The following INPP5A variants were observed in gnomAD, a reference collection of about 807,000 sequenced individuals.
INPP5A encodes the protein 43 kDa inositol polyphosphate 5-phophatase.
In INPP5A, 14 loss-of-function variants were observed where a neutral mutation model predicts 65.2. The ratio of observed to expected loss-of-function variants is 0.21; its 90% CI spans 0.14 to 0.34. The LOEUF is 0.34. Ranked by LOEUF, INPP5A falls within the 10% of genes least tolerant of loss-of-function variation. The probability of loss-of-function intolerance (pLI) is 1.00; values close to 1 mark genes in which losing one functional copy is unlikely to be tolerated. For missense variants in INPP5A, 431 were observed against 545.6 expected, an observed-to-expected ratio of 0.79 and a Z score of 2.09; for synonymous variants, 207 against 208.3, an observed-to-expected ratio of 0.99 and a Z score of 0.05.
In INPP5A at chr10:132,727,977, G is replaced by A. The variant is rs755923009; in HGVS notation, c.732+1072G>A. On this transcript the variant is annotated intron_variant, in intron 9 of 15. Transcript: ENST00000368594. The surrounding 1 kb of genome is among the most constrained non-coding windows in gnomAD (Gnocchi z 6.5). ...CGTATTCATCTTCCAACGGTGGCAG[G>A]ACATTGTTTCTGAAAGACAGACTGA... 6.6e-6 allele frequency among the ~76,000 whole-genome samples: 1 copy of A among 152,176 alleles called. No individual in the cohort carries two copies. Among genetic ancestry groups the A allele is most frequent in the Non-Finnish European group, 1.5e-5 (1 of 68,030 alleles).
chr10:132,781,790 C>A, intron 14 of INPP5A, 71 bp from the exon 15 acceptor site: 2 of 1,285,290 alleles, frequency 1.6e-6, no homozygotes, highest in Non-Finnish European at 2.3e-6. Flanking sequence ...GGGGGTGCAA[C>A]GGGAGGCGGC....
chr10:132,749,479 C>A, intron 9 of INPP5A, 38 bp from the exon 10 acceptor site: 1 of 1,581,048 alleles, frequency 6.3e-7, no homozygotes, highest in Non-Finnish European at 8.7e-7. Context: ...GGCAGGTGGG[C>A]CCCCCTGGGA....
rs1379639981 is a variant in INPP5A at position 132,766,144 on chromosome 10, GCATC to G, written c.977+299_977+302del. Among the ~76,000 whole-genome samples the G allele has an allele frequency of 2.8e-3, 422 of 152,282 alleles. 1 individual carries two copies. The highest frequency in any genetic ancestry group is 9.9e-3 in the African/African-American group (410 of 41,544). ...CCTGTGCATCTGTGTGTGCACGTGT[GCATC>G]TGTGTGTGCACGTGTGTGTTCTTGT... On this transcript the variant is annotated intron_variant, in intron 12 of 15. Coordinates refer to ENST00000368594, the MANE Select transcript of INPP5A (RefSeq NM_005539.5).
At chr10:132,669,731 C>G (rs750771711) in intron 4 of INPP5A, among the ~76,000 whole-genome samples, 1 of 152,168 alleles carries the variant, frequency 6.6e-6, no homozygotes, top group Non-Finnish European at 1.5e-5. Context: ...GTGCTGGACT[C>G]TAGATGTGCA....
In INPP5A at chr10:132,546,707, C is replaced by G. The variant is rs1222764485; in HGVS notation, c.75+8536C>G. On this transcript the variant is annotated intron_variant, in intron 1 of 15. Transcript: ENST00000368594. The surrounding 1 kb of genome is among the most constrained non-coding windows in gnomAD (Gnocchi z 5.7). ...ATCTGTGTAGCCTGCACTGAACTGC[C>G]CCTCTTCCTGGGTGCACTGCATACC... is the stretch of plus-strand genomic sequence containing the variant. Among the ~76,000 whole-genome samples the G allele has an allele frequency of 1.3e-5, 2 of 152,134 alleles. No homozygotes were observed. The highest frequency in any genetic ancestry group is 2.9e-5 in the Non-Finnish European group (2 of 68,016).
rs565195160 is a variant in INPP5A at position 132,605,980 on chromosome 10, A to C, written c.76-1935A>C. On this transcript the variant is annotated intron_variant, in intron 1 of 15. Transcript: ENST00000368594. ...TGGATCCACAGTCAATGTTGGGGGA[A>C]GTCATATCCACGGTTTAAATGAGGT... is the stretch of plus-strand genomic sequence containing the variant. Among the ~76,000 whole-genome samples, 24 of 152,306 alleles carry C rather than the reference A, an allele frequency of 1.6e-4. No individual in the cohort carries two copies. In the East Asian group the frequency reaches 4.2e-3, roughly 27 times the overall value.
chr10:132,714,315 G>A (rs1034537248), intron 8 of INPP5A, among the ~76,000 whole-genome samples: 1 of 152,196 alleles, frequency 6.6e-6, no homozygotes, highest in African/African-American at 2.4e-5. Context: ...CGGCTCTGTC[G>A]GAGTCTGGAA....
chr10:132,770,848 G>C (rs1164307268), intron 12 of INPP5A, among the ~76,000 whole-genome samples: 1 of 152,158 alleles, frequency 6.6e-6, no homozygotes, highest in Non-Finnish European at 1.5e-5. Context: ...TCTCGACGCG[G>C]CACGTCTGGC....
chr10:132,553,462 A>C (rs1203303751), intron 1 of INPP5A, among the ~76,000 whole-genome samples: 1 of 106,186 alleles, frequency 9.4e-6, no homozygotes, highest in Non-Finnish European at 1.9e-5. Flanking sequence ...GCCTTGGTGG[A>C]ATATTGAGTA....
Position 132,741,721 on chromosome 10 carries a change from T to C in INPP5A, c.733-7796T>C, listed in dbSNP as rs562123303. On this transcript the variant is annotated intron_variant, in intron 9 of 15. Coordinates refer to ENST00000368594, the MANE Select transcript of INPP5A (RefSeq NM_005539.5). The surrounding 1 kb of genome is among the most constrained non-coding windows in gnomAD (Gnocchi z 4.4). ...GTAAACTGAGGTGGACGTCAGTATC[T>C]GTGTCCGCTTGCTTTACTCAATAGC... is the stretch of plus-strand genomic sequence containing the variant. 4.9e-5 allele frequency among the ~76,000 whole-genome samples: 7 copies of C among 143,080 alleles called. No homozygotes were observed. The highest frequency in any genetic ancestry group is 1.1e-4 in the Non-Finnish European group (7 of 64,746). The allele number at this position is 143,080 out of a possible 152,430, so 93.9% of individuals were successfully genotyped here.
chr10:132,677,850 G>A (rs934384583), intron 4 of INPP5A, among the ~76,000 whole-genome samples: 1 of 152,208 alleles, frequency 6.6e-6, no homozygotes, highest in Admixed American at 6.5e-5. Context: ...AGCAACCCGC[G>A]TGCAGAATGC....
chr10:132,654,014 C>T (rs908079093), intron 4 of INPP5A, among the ~76,000 whole-genome samples: 1 of 152,272 alleles, frequency 6.6e-6, no homozygotes, highest in Non-Finnish European at 1.5e-5. Flanking sequence ...TGTCTGAAAC[C>T]AGGGTGCGGG....
chr10:132,764,280 A>G (rs562294288), intron 11 of INPP5A, among the ~76,000 whole-genome samples: 1 of 152,372 alleles, frequency 6.6e-6, no homozygotes, highest in East Asian at 1.9e-4. Context: ...CTCTAGCTCA[A>G]TGCCATGCCC....
At chr10:132,669,257 TAAAC>T (rs1025526287) in intron 4 of INPP5A, among the ~76,000 whole-genome samples, 10 of 151,698 alleles carry the variant, frequency 6.6e-5, no homozygotes, top group South Asian at 2.1e-4. Context: ...CATCTCAAAA[TAAAC>T]AAACAAACAG....
rs772261651 is a variant in INPP5A, at chr10:132,757,001, T to C, written c.903+7156T>C. 9.6e-4 allele frequency among the ~76,000 whole-genome samples: 146 copies of C among 152,326 alleles called. 1 individual carries two copies. Among genetic ancestry groups the C allele is most frequent in the Middle Eastern group, 3.4e-3 (1 of 294 alleles). ...GAATAGGCAAAAAGTTTATAGAATA[T>C]ATAAACAATATTTTATACAGCTATA... On this transcript the variant is annotated intron_variant, in intron 11 of 15. Transcript: ENST00000368594.
At chr10:132,622,084 C>T (rs1036898612) in intron 2 of INPP5A, among the ~76,000 whole-genome samples, 1 of 152,190 alleles carries the variant, frequency 6.6e-6, no homozygotes, top group Non-Finnish European at 1.5e-5. Flanking sequence ...AGTATGAAAA[C>T]ATCTTGTTTA....
intron 12 of INPP5A, among the ~76,000 whole-genome samples, chr10:132,769,034 G>A (rs962002671): frequency 1.3e-5 from 2 of 152,218 alleles, no homozygotes; most frequent in Non-Finnish European, 2.9e-5. Context: ...CTAGCGCAGA[G>A]CTCCGGATAC....
intron 2 of INPP5A, among the ~76,000 whole-genome samples, chr10:132,634,670 T>C (rs1478517149): frequency 6.6e-6 from 1 of 152,274 alleles, no homozygotes; most frequent in Non-Finnish European, 1.5e-5. Context: ...GTGTGTTTTT[T>C]GTTATTAGCC....
At chr10:132,647,491 ATAT>A (rs1265149387) in intron 3 of INPP5A, among the ~76,000 whole-genome samples, 1 of 152,232 alleles carries the variant, frequency 6.6e-6, no homozygotes, top group African/African-American at 2.4e-5. Flanking sequence ...TAAAATTGCC[ATAT>A]AAGAGCAAAG....
Sources: gnomAD v4.1 joint callset for allele counts (sites outside exome capture counted in the v4.1 genomes callset) on GRCh38, gnomAD v4.1.1 for gene constraint, Gnocchi (gnomAD v3.1) non-coding constraint, MANE v1.5 for transcripts, NCBI Gene and HGNC (gene_info 2026-07-23, HGNC 2026-07-21) for gene names.